Variants in ST3GAL5 observed in about 807,000 individuals in gnomAD.
ST3GAL5 encodes lactosylceramide alpha-2,3-sialyltransferase.
In ST3GAL5, 25 loss-of-function variants were observed where a neutral mutation model predicts 46.1. That is an observed-to-expected ratio of 0.54 (90% CI 0.40 to 0.76). The LOEUF (loss-of-function observed/expected upper bound fraction) is 0.76. Ranked by LOEUF, ST3GAL5 falls within the 30% of genes least tolerant of loss-of-function variation. The pLI is 0.00. For missense variants in ST3GAL5, 431 were observed against 521.2 expected, an observed-to-expected ratio of 0.83 and a Z score of 1.69; for synonymous variants, 182 against 192.7, an observed-to-expected ratio of 0.94 and a Z score of 0.46.
At chr2:85,878,087 C>T (rs964622716) in intron 1 of ST3GAL5, among the ~76,000 whole-genome samples, 7 of 152,144 alleles carry the variant, frequency 4.6e-5, no homozygotes, top group Admixed American at 6.5e-5. Context: ...CCAAGGGCAA[C>T]GCTGCACGGC....
intron 3 of ST3GAL5, chr2:85,851,327 T>G: frequency 8.6e-7 from 1 of 1,160,792 alleles, no homozygotes; most frequent in Non-Finnish European, 1.1e-6. Context: ...CCTGAGTGAG[T>G]TTCTACATGT....
intron 3 of ST3GAL5, chr2:85,852,925 T>A: frequency 7.7e-7 from 1 of 1,301,940 alleles, no homozygotes; most frequent in Non-Finnish European, 1.0e-6. Context: ...AGACTCGGTT[T>A]GAAGATGCTG....
chr2:85,888,936 C>A lies in ST3GAL5; in HGVS notation c.-31G>T, dbSNP rs948734027. On this transcript the variant is annotated 5_prime_UTR_variant, in exon 1 of 7. Transcript: ENST00000638572. ...TGAGGGGGCGCCGGCCGGCCGCCAG[C>A]CCGGTACCCCGCGCCCCCACCCGCC... 1 of 1,304,966 alleles carries A rather than the reference C, an allele frequency of 7.7e-7. No individual in the cohort carries two copies. Among genetic ancestry groups the A allele is most frequent in the Non-Finnish European group, 9.8e-7 (1 of 1,025,212 alleles). 80.8% of individuals were successfully genotyped at this position (1,304,966 alleles called of 1,614,324 possible).
chr2:85,859,400 T>C (rs755231997), intron 3 of ST3GAL5, among the ~76,000 whole-genome samples: 3 of 152,122 alleles, frequency 2.0e-5, no homozygotes, highest in Non-Finnish European at 4.4e-5. Flanking sequence ...CCAAGAGAGC[T>C]GTGAAGCGCC....
chr2:85,870,105 G>T, intron 1 of ST3GAL5: 1 of 437,070 alleles, frequency 2.3e-6, no homozygotes. Context: ...CTGTATGCAT[G>T]CTTTCTTTTT....
Position 85,840,410 on chromosome 2 carries a change from A to G in ST3GAL5, c.1009-18T>C. On this transcript the variant is annotated intron_variant, in intron 6 of 6. Transcript: ENST00000638572. ...GGGACGTTCTGAGAAAGGGAAAAGA[A>G]GACCAAAAAGTAAAAAAAAATTTTG... The G allele has an allele frequency of 6.2e-7, 1 of 1,613,862 alleles. No homozygotes were observed.
chr2:85,850,706 A>G (rs1288502615), intron 3 of ST3GAL5: 2 of 152,274 alleles, frequency 1.3e-5, no homozygotes, highest in Non-Finnish European at 2.9e-5. Flanking sequence ...CTCCTAGGAC[A>G]GAAAGGAACA....
intron 1 of ST3GAL5, among the ~76,000 whole-genome samples, chr2:85,881,194 T>C (rs1188891705): frequency 6.6e-6 from 1 of 152,230 alleles, no homozygotes; most frequent in Non-Finnish European, 1.5e-5. Flanking sequence ...CTACCATGAT[T>C]GTGAGACCTT....
rs373154047 is a variant in ST3GAL5 at position 85,857,066 on chromosome 2, C to CAAA, written c.318+4112_318+4114dup. Among the ~76,000 whole-genome samples the CAAA allele has an allele frequency of 3.8e-4, 27 of 70,942 alleles. 1 individual carries two copies. The highest frequency in any genetic ancestry group is 1.2e-3 in the African/African-American group (20 of 16,852). 46.5% of individuals were successfully genotyped at this position (70,942 alleles called of 152,430 possible). ...AAACACGGTAAGACCCTGCCTCTAC[C>CAAA]AAAAAAAAAAAAAAAAAAAAAAAAA... On this transcript the variant is annotated intron_variant, in intron 3 of 6. Transcript: ENST00000638572.
In ST3GAL5 at chr2:85,848,048, C is replaced by T. The variant is rs1449113934; in HGVS notation, c.475G>A (p.Asp159Asn). ...PKDSEAESKY[D>N]PPFGFRKFSS... The stretch of plus-strand genomic sequence containing the variant: ...AACTTCCGGAACCCAAAAGGAGGAT[C>T]GTACTTGGACTCAGCTTCACTGTCT... Residue 159 changes from aspartate to asparagine, a missense_variant, in exon 4 of 7, where the codon GAT becomes AAT. Coordinates refer to ENST00000638572, the MANE Select transcript of ST3GAL5 (RefSeq NM_003896.4). The T allele has an allele frequency of 6.2e-6, 10 of 1,614,054 alleles. No homozygotes were observed. Among genetic ancestry groups the T allele is most frequent in the South Asian group, 1.1e-5 (1 of 91,086 alleles).
intron 3 of ST3GAL5, chr2:85,856,224 G>C (rs1482763823): frequency 1.3e-5 from 2 of 152,032 alleles, no homozygotes; most frequent in Non-Finnish European, 2.9e-5. Flanking sequence ...AACAAAATGA[G>C]GTATATCCAT....
intron 1 of ST3GAL5, among the ~76,000 whole-genome samples, chr2:85,874,902 C>T (rs764571623): frequency 6.6e-6 from 1 of 151,762 alleles, no homozygotes; most frequent in African/African-American, 2.4e-5. Context: ...AATCATTGGG[C>T]ATTTATTCAA....
chr2:85,864,431 T>C (rs1482183279), intron 1 of ST3GAL5, among the ~76,000 whole-genome samples: 1 of 152,094 alleles, frequency 6.6e-6, no homozygotes, highest in African/African-American at 2.4e-5. Flanking sequence ...CCAGGGAGAA[T>C]AGATAAAACT....
chr2:85,840,213 C>T lies in ST3GAL5; in HGVS notation c.1188G>A (p.Lys396=). ...CCTCTTTGACCAGCTTTAAGAGGAACTTGGTTTCCGTTGTCACATTATGCA... is the reference window on the plus strand; with the variant it reads ...CCTCTTTGACCAGCTTTAAGAGGAATTTGGTTTCCGTTGTCACATTATGCA... ...QTMHNVTTET[K]FLLKLVKEGV... Residue 396 remains lysine (K), a synonymous_variant, in exon 7 of 7, where the codon AAG becomes AAA. Transcript: ENST00000638572. 1.2e-6 allele frequency: 2 copies of T among 1,614,198 alleles called. No individual in the cohort carries two copies. Among genetic ancestry groups the T allele is most frequent in the East Asian group, 4.5e-5 (2 of 44,888 alleles).
intron 5 of ST3GAL5, chr2:85,844,757 A>C: frequency 1.5e-6 from 1 of 647,090 alleles, no homozygotes; most frequent in South Asian, 1.8e-5. Context: ...GCCACTTCAC[A>C]CAGGCGGCAC....
chr2:85,888,869 G>T lies in ST3GAL5; in HGVS notation c.37C>A (p.Pro13Thr), dbSNP rs559756386. The T allele has an allele frequency of 3.7e-6, 5 of 1,366,408 alleles. No homozygotes were observed. Among genetic ancestry groups the T allele is most frequent in the Admixed American group, 5.3e-5 (2 of 37,522 alleles). The allele number at this position is 1,366,408 out of a possible 1,614,324, so 84.6% of individuals were successfully genotyped here. A position where few individuals can be genotyped will look rare whatever the true frequency, so the allele number is the denominator to read the frequency against. ...GCTGCCTCGGTCCGCGGCTGCAGGG[G>T]ACGCCGCTCCGCGCAGCCCGCCGCC... ...TKAAGCAERR[P>T]LQPRTEAAAA... is the part of the protein sequence containing the mutation. The change falls in exon 1 of 7, where the codon CCC (proline) becomes ACC (threonine). Residue 13 changes from proline (P) to threonine (T), a missense_variant. Pro to Thr is a conservative substitution (Grantham distance 38). Coordinates refer to ENST00000638572, the MANE Select transcript of ST3GAL5 (RefSeq NM_003896.4).
chr2:85,852,969 G>T, intron 3 of ST3GAL5: 1 of 1,304,148 alleles, frequency 7.7e-7, no homozygotes, highest in Non-Finnish European at 1.0e-6. Context: ...CAGCAGGGAG[G>T]GCCCTGCTTC....
At chr2:85,876,626 C>G (rs1477632401) in intron 1 of ST3GAL5, among the ~76,000 whole-genome samples, 1 of 152,014 alleles carries the variant, frequency 6.6e-6, no homozygotes. Context: ...CCGCACCCAG[C>G]TAATTTTTGT....
chr2:85,842,653 G>C (rs2103924051), intron 6 of ST3GAL5, among the ~76,000 whole-genome samples: 1 of 152,216 alleles, frequency 6.6e-6, no homozygotes, highest in South Asian at 2.1e-4. Context: ...GCAGAAAGTA[G>C]AAGTCTTCTA....
Sources: gnomAD v4.1 joint callset for allele counts (sites outside exome capture counted in the v4.1 genomes callset) on GRCh38, gnomAD v4.1.1 for gene constraint, MANE v1.5 for transcripts, NCBI Gene and HGNC (gene_info 2026-07-23, HGNC 2026-07-21) for gene names.